Variants in KLHL29 observed in about 807,000 individuals in gnomAD.
KLHL29 encodes the protein kelch-like protein 29.
In KLHL29, 21 loss-of-function variants were observed where a neutral mutation model predicts 80.4. The ratio of observed to expected loss-of-function variants is 0.26; its 90% CI spans 0.19 to 0.38. The LOEUF is 0.38. Among genes scored for constraint, KLHL29 ranks in the 10% least tolerant of loss-of-function variants. KLHL29 has a pLI of 1.00. For missense variants in KLHL29, 867 were observed against 1,223.9 expected (o/e 0.71, Z 4.35); for synonymous variants, 511 against 526.8 (o/e 0.97, Z 0.41).
intron 3 of KLHL29, among the ~76,000 whole-genome samples, chr2:23,613,543 A>G (rs1194450295): frequency 6.6e-6 from 1 of 152,116 alleles, no homozygotes; most frequent in African/African-American, 2.4e-5. Context: ...AGGTGGGCGG[A>G]TCACAAGGTC....
chr2:23,409,626 C>T (rs1216299162), intron 1 of KLHL29, among the ~76,000 whole-genome samples: 2 of 152,212 alleles, frequency 1.3e-5, no homozygotes, highest in Admixed American at 1.3e-4. Context: ...CGTCTTCCCT[C>T]AATAGAACCC....
Position 23,562,155 on chromosome 2 carries a change from C to A in KLHL29, c.-42C>A, listed in dbSNP as rs1004488649. On this transcript the variant is annotated 5_prime_UTR_variant, in exon 3 of 14. Transcript: ENST00000486442. The surrounding 1 kb of genome is among the most constrained non-coding windows in gnomAD (Gnocchi z 4.5). ...TCTCTCCACCCTGTCACCACAGGTCCGGGCTCTGTTTCCCTGTGAGAAGCC... is the reference window on the plus strand; with the variant it reads ...TCTCTCCACCCTGTCACCACAGGTCAGGGCTCTGTTTCCCTGTGAGAAGCC... 1.9e-6 allele frequency: 3 copies of A among 1,547,998 alleles called. No individual in the cohort carries two copies. The African/African-American group carries it at 4.1e-5, about 21-fold the overall frequency.
chr2:23,706,405 C>T (rs1279598796), intron 13 of KLHL29, 76 bp from the exon 14 acceptor site: 7 of 1,191,678 alleles, frequency 5.9e-6, no homozygotes, highest in South Asian at 1.9e-5. Flanking sequence ...TACAACAGGA[C>T]ACGACGTTGA....
At chr2:23,705,364 G>A (rs1029996640) in intron 13 of KLHL29, among the ~76,000 whole-genome samples, 8 of 152,084 alleles carry the variant, frequency 5.3e-5, no homozygotes, top group Admixed American at 2.0e-4. Context: ...GGTGGCAGGC[G>A]CCTGTAATCC....
intron 3 of KLHL29, among the ~76,000 whole-genome samples, chr2:23,594,903 G>A (rs147443000): frequency 4.6e-5 from 7 of 152,280 alleles, no homozygotes; most frequent in South Asian, 4.2e-4. Context: ...ACTGAAGCAC[G>A]AGTGGTTTTA....
chr2:23,650,599 G>A lies in KLHL29; in HGVS notation c.940+7749G>A, dbSNP rs186915699. On this transcript the variant is annotated intron_variant, in intron 5 of 13. Coordinates refer to ENST00000486442, the MANE Select transcript of KLHL29 (RefSeq NM_052920.2). ...CTCTGAGGCCATACTGGTCTTGCAAGGTGAAGACCTCCTTGATTCTCAGGG... is the reference window on the plus strand; with the variant it reads ...CTCTGAGGCCATACTGGTCTTGCAAAGTGAAGACCTCCTTGATTCTCAGGG... Among the ~76,000 whole-genome samples, 129 of 152,304 alleles carry A rather than the reference G, an allele frequency of 8.5e-4. 1 individual carries two copies. Among genetic ancestry groups the A allele is most frequent in the African/African-American group, 3.1e-3 (127 of 41,560 alleles).
intron 5 of KLHL29, chr2:23,668,750 C>T (rs747647613): frequency 6.7e-6 from 1 of 149,650 alleles, no homozygotes; most frequent in Non-Finnish European, 1.5e-5. Flanking sequence ...CCAGGCCAGC[C>T]AGGCCTGGCT....
At chr2:23,531,673 G>A (rs1156249455) in intron 2 of KLHL29, among the ~76,000 whole-genome samples, 1 of 151,894 alleles carries the variant, frequency 6.6e-6, no homozygotes, top group Admixed American at 6.6e-5. Context: ...GCAAGTCCTG[G>A]TACCCAAGAC....
intron 3 of KLHL29, chr2:23,617,668 G>A (rs1435846881): frequency 2.0e-5 from 3 of 152,176 alleles, no homozygotes; most frequent in Non-Finnish European, 4.4e-5. Context: ...CACCTCCAGC[G>A]GCAGCCACGC....
intron 1 of KLHL29, among the ~76,000 whole-genome samples, chr2:23,410,113 C>T (rs999593341): frequency 2.0e-5 from 3 of 152,266 alleles, no homozygotes; most frequent in South Asian, 4.1e-4. Flanking sequence ...TTTGTCTAGC[C>T]GCATAAGTAT....
Position 23,540,796 on chromosome 2 carries a change from A to G in KLHL29, c.-45-21356A>G, listed in dbSNP as rs76254197. Among the ~76,000 whole-genome samples, 504 of 152,338 alleles carry G rather than the reference A, an allele frequency of 3.3e-3. 5 individuals are homozygous for G. The highest frequency in any genetic ancestry group is 0.011 in the African/African-American group (476 of 41,590). On this transcript the variant is annotated intron_variant, in intron 2 of 13. Transcript: ENST00000486442. ...TGGCCAGCTTCATGCTCTGTCCTACAGACCGTCCCCTCCCCATGACCAGAG... is the reference window on the plus strand; with the variant it reads ...TGGCCAGCTTCATGCTCTGTCCTACGGACCGTCCCCTCCCCATGACCAGAG...
chr2:23,436,675 C>T (rs377748497), intron 1 of KLHL29, among the ~76,000 whole-genome samples: 22 of 152,224 alleles, frequency 1.4e-4, no homozygotes, highest in African/African-American at 2.2e-4. Flanking sequence ...AAGTTAGTTA[C>T]GTGGGGACTT....
At chr2:23,517,649 C>T (rs528460724) in intron 2 of KLHL29, among the ~76,000 whole-genome samples, 57 of 152,334 alleles carry the variant, frequency 3.7e-4, no homozygotes, top group Middle Eastern at 3.4e-3. Flanking sequence ...ACAAGGCTGC[C>T]TCGTGTTTCC....
chr2:23,602,480 T>C (rs1426893794), intron 3 of KLHL29, among the ~76,000 whole-genome samples: 2 of 152,156 alleles, frequency 1.3e-5, no homozygotes, highest in African/African-American at 2.4e-5. Context: ...CCCAGAGTCC[T>C]GTGTGAGGCC....
chr2:23,425,681 C>T (rs1662986668), intron 1 of KLHL29, among the ~76,000 whole-genome samples: 1 of 152,194 alleles, frequency 6.6e-6, no homozygotes, highest in Non-Finnish European at 1.5e-5. Context: ...TTGGCTGATC[C>T]CCGCTAAGCT....
intron 11 of KLHL29, among the ~76,000 whole-genome samples, chr2:23,701,550 G>A (rs964298757): frequency 1.3e-4 from 20 of 152,062 alleles, no homozygotes; most frequent in African/African-American, 4.3e-4. Context: ...TCATCTCTAC[G>A]ACAAATCAAA....
chr2:23,626,628 T>A (rs2149146334), intron 3 of KLHL29, among the ~76,000 whole-genome samples: 1 of 152,298 alleles, frequency 6.6e-6, no homozygotes, highest in Non-Finnish European at 1.5e-5. Flanking sequence ...GATATCTGTG[T>A]CTCCAGAACA....
chr2:23,471,121 C>G (rs988347544), intron 1 of KLHL29, among the ~76,000 whole-genome samples: 5 of 152,176 alleles, frequency 3.3e-5, no homozygotes, highest in African/African-American at 7.2e-5. Context: ...TTTACAGCCT[C>G]CAGTTCCTTT....
At chr2:23,473,235 A>G (rs1247026578) in intron 1 of KLHL29, among the ~76,000 whole-genome samples, 1 of 152,166 alleles carries the variant, frequency 6.6e-6, no homozygotes. Context: ...TAGTGCTTGC[A>G]TGGGCTGAAC....
Sources: allele counts gnomAD v4.1 joint callset (sites outside exome capture counted in the v4.1 genomes callset), GRCh38; gene constraint gnomAD v4.1.1; non-coding constraint Gnocchi (gnomAD v3.1); transcripts MANE v1.5; gene names NCBI Gene and HGNC (gene_info 2026-07-23, HGNC 2026-07-21).